GRID2: variants seen among roughly 807,000 people sequenced by gnomAD.
GRID2 encodes the protein glutamate receptor ionotropic, delta-2.
In GRID2, 33 loss-of-function variants were observed where a neutral mutation model predicts 114.8. The ratio of observed to expected loss-of-function variants is 0.29; its 90% CI spans 0.22 to 0.38. The LOEUF is 0.38. Among genes scored for constraint, GRID2 ranks in the 10% least tolerant of loss-of-function variants. The pLI, the probability that GRID2 is intolerant of heterozygous loss-of-function variation, is 1.00. For missense variants in GRID2, 1,184 were observed against 1,257.7 expected, an observed-to-expected ratio of 0.94 and a Z score of 0.89; for synonymous variants, 505 against 449.9, an observed-to-expected ratio of 1.12 and a Z score of -1.55.
At position 93,693,636 on chromosome 4, in the gene GRID2, T is replaced by C. The variant is rs560774491; in HGVS notation, c.2360+67201T>C. Among the ~76,000 whole-genome samples, 177 of 152,250 alleles carry C rather than the reference T, an allele frequency of 1.2e-3. 1 individual carries two copies. Among genetic ancestry groups the C allele is most frequent in the African/African-American group, 4.1e-3 (169 of 41,540 alleles). On this transcript the variant is annotated intron_variant, in intron 14 of 15. Transcript: ENST00000282020. ...GCATGTAACTTTTCTGTACCTAAAA[T>C]TTCACAGTAAAAAATTGAAGTGCTG...
chr4:92,733,662 A>G (rs1736441057), intron 2 of GRID2, among the ~76,000 whole-genome samples: 1 of 152,058 alleles, frequency 6.6e-6, no homozygotes, highest in Non-Finnish European at 1.5e-5. Context: ...TTGCTCAACA[A>G]TTTCTAAGAG....
chr4:93,502,631 C>A (rs192269127), intron 12 of GRID2, among the ~76,000 whole-genome samples: 4 of 151,844 alleles, frequency 2.6e-5, no homozygotes, highest in Admixed American at 2.6e-4. Context: ...CCCATCAATT[C>A]TCTGATGCTC....
chr4:93,630,398 A>C (rs1743139531), intron 14 of GRID2, among the ~76,000 whole-genome samples: 1 of 152,336 alleles, frequency 6.6e-6, no homozygotes, highest in East Asian at 1.9e-4. Flanking sequence ...TCATTGTGCA[A>C]TAAATAAAGT....
At chr4:93,149,907 A>C (rs1736590294) in intron 4 of GRID2, among the ~76,000 whole-genome samples, 1 of 152,034 alleles carries the variant, frequency 6.6e-6, no homozygotes, top group Non-Finnish European at 1.5e-5. Flanking sequence ...GTAGGCTGGG[A>C]TTACAGGTGT....
At chr4:93,808,113 T>C (rs933286408) in exon 2 of GRID2, 1 of 152,156 alleles carries the variant, frequency 6.6e-6, no homozygotes. Context: ...TACTAATATA[T>C]TATTTCTAAA....
chr4:92,442,786 C>A (rs930588522), intron 1 of GRID2, among the ~76,000 whole-genome samples: 1 of 152,088 alleles, frequency 6.6e-6, no homozygotes, highest in Non-Finnish European at 1.5e-5. Flanking sequence ...GAAAAAGAGC[C>A]TAAACGCTAT....
At chr4:92,550,502 T>G (rs1224352099) in intron 1 of GRID2, among the ~76,000 whole-genome samples, 1 of 152,184 alleles carries the variant, frequency 6.6e-6, no homozygotes, top group Non-Finnish European at 1.5e-5. Flanking sequence ...TTTAAAAAAG[T>G]ATGAGTATAA....
At chr4:92,418,147 G>A (rs1288973621) in intron 1 of GRID2, among the ~76,000 whole-genome samples, 2 of 152,112 alleles carry the variant, frequency 1.3e-5, no homozygotes, top group African/African-American at 4.8e-5. Flanking sequence ...GGTAGATTTG[G>A]TGTTCATACA....
intron 2 of GRID2, among the ~76,000 whole-genome samples, chr4:92,819,692 G>A (rs1419985597): frequency 6.6e-6 from 1 of 152,102 alleles, no homozygotes. Context: ...CCAACTGCAG[G>A]AAAGGATATT....
intron 2 of GRID2, among the ~76,000 whole-genome samples, chr4:92,820,746 T>G (rs1391697546): frequency 6.6e-6 from 1 of 152,172 alleles, no homozygotes; most frequent in East Asian, 1.9e-4. Context: ...GCAACAGTGA[T>G]GTATATACAA....
rs1188210496 is a variant in GRID2 at position 92,304,170 on chromosome 4, C to G, written c.-487C>G. ...TTCCTTTCCACTTAGATTCTGGCAG[C>G]GAAGACCAGTGATTCTCTGCGGGCT... On this transcript the variant is annotated 5_prime_UTR_variant, in exon 1 of 16. Transcript: ENST00000282020. The G allele has an allele frequency of 1.2e-5, 2 of 171,878 alleles. No homozygotes were observed. The highest frequency in any genetic ancestry group is 4.8e-5 in the African/African-American group (2 of 41,254). The allele number at this position is 171,878 out of a possible 1,614,324, so 10.6% of individuals were successfully genotyped here. A position where few individuals can be genotyped will look rare whatever the true frequency, so the allele number is the denominator to read the frequency against.
chr4:92,509,042 G>A (rs1014932482), intron 1 of GRID2, among the ~76,000 whole-genome samples: 3 of 151,844 alleles, frequency 2.0e-5, no homozygotes, highest in Non-Finnish European at 4.4e-5. Flanking sequence ...ACTATAGCCT[G>A]GGCGACAGAG....
At chr4:93,285,455 T>C (rs571363576) in intron 8 of GRID2, among the ~76,000 whole-genome samples, 2 of 151,988 alleles carry the variant, frequency 1.3e-5, no homozygotes, top group Non-Finnish European at 2.9e-5. Flanking sequence ...ATAAGAAATA[T>C]CAAGAAGTAC....
chr4:93,061,534 A>G (rs1449779660), intron 2 of GRID2, among the ~76,000 whole-genome samples: 1 of 152,142 alleles, frequency 6.6e-6, no homozygotes, highest in East Asian at 1.9e-4. Flanking sequence ...GCCAAAGGGT[A>G]TTGACGTACA....
At chr4:92,461,682 G>T (rs919092875) in intron 1 of GRID2, among the ~76,000 whole-genome samples, 7 of 151,590 alleles carry the variant, frequency 4.6e-5, no homozygotes, top group Non-Finnish European at 1.0e-4. Context: ...TTAAATCATC[G>T]TGGATTACAG....
chr4:93,709,011 A>G (rs182627402), intron 14 of GRID2, among the ~76,000 whole-genome samples: 37 of 152,194 alleles, frequency 2.4e-4, no homozygotes, highest in Non-Finnish European at 3.5e-4. Flanking sequence ...CCTTCTTTTA[A>G]GCTTTCAGTA....
intron 13 of GRID2, among the ~76,000 whole-genome samples, chr4:93,594,392 G>T (rs1239146057): frequency 2.0e-5 from 3 of 152,216 alleles, no homozygotes; most frequent in Non-Finnish European, 4.4e-5. Flanking sequence ...GGACCCACTT[G>T]AGGAGGCAGT....
intron 1 of GRID2, among the ~76,000 whole-genome samples, chr4:92,353,592 G>C (rs1034198578): frequency 2.0e-5 from 3 of 151,928 alleles, no homozygotes; most frequent in African/African-American, 7.3e-5. Context: ...TGAAGTCTCT[G>C]TTCCTTAGCT....
chr4:92,652,494 A>T (rs973004666), intron 2 of GRID2, among the ~76,000 whole-genome samples: 1 of 151,506 alleles, frequency 6.6e-6, no homozygotes, highest in East Asian at 2.0e-4. Context: ...CCTGGGCACC[A>T]TTTTATGACC....
Sources: gnomAD v4.1 joint callset for allele counts (sites outside exome capture counted in the v4.1 genomes callset) on GRCh38, gnomAD v4.1.1 for gene constraint, MANE v1.5 for transcripts, NCBI Gene and HGNC (gene_info 2026-07-23, HGNC 2026-07-21) for gene names.